Variants in ANKRD44 observed in about 807,000 individuals in gnomAD.
ANKRD44 encodes serine/threonine-protein phosphatase 6 regulatory ankyrin repeat subunit B.
A neutral mutation model predicts 116.0 loss-of-function variants in ANKRD44; 35 were observed. The observed-to-expected ratio is 0.30, with a 90% CI of 0.23 to 0.40. The LOEUF is 0.40. ANKRD44 is among the 10% of genes least tolerant of loss of function. The pLI, the probability that ANKRD44 is intolerant of heterozygous loss-of-function variation, is 1.00. For synonymous variants in ANKRD44, 435 were observed against 461.8 expected, an observed-to-expected ratio of 0.94 and a Z score of 0.74; for missense variants, 1,014 against 1,242.6, an observed-to-expected ratio of 0.82 and a Z score of 2.77.
chr2:197,128,399 C>T (rs1448140225), intron 4 of ANKRD44, among the ~76,000 whole-genome samples: 5 of 152,098 alleles, frequency 3.3e-5, no homozygotes, highest in East Asian at 1.9e-4. Context: ...TCAGTGATAT[C>T]GAGCTTTTTT....
At chr2:197,084,666 A>G (rs1385725613) in intron 13 of ANKRD44, among the ~76,000 whole-genome samples, 2 of 152,164 alleles carry the variant, frequency 1.3e-5, no homozygotes, top group Non-Finnish European at 2.9e-5. Flanking sequence ...ACTGTGCCCT[A>G]CCTAAGGTCC....
At chr2:197,243,959 G>A (rs2082139473) in intron 1 of ANKRD44, among the ~76,000 whole-genome samples, 1 of 152,216 alleles carries the variant, frequency 6.6e-6, no homozygotes, top group Admixed American at 6.5e-5. Context: ...GGGGAGTTAA[G>A]AAATCGTATA....
At chr2:196,976,404 C>G (rs556082814) in intron 21 of ANKRD44, among the ~76,000 whole-genome samples, 4 of 152,208 alleles carry the variant, frequency 2.6e-5, no homozygotes, top group South Asian at 2.1e-4. Context: ...GTAAGAATGT[C>G]ACTCACACCA....
At chr2:197,290,119 C>T (rs1031060774) in intron 1 of ANKRD44, among the ~76,000 whole-genome samples, 1 of 152,054 alleles carries the variant, frequency 6.6e-6, no homozygotes, top group African/African-American at 2.4e-5. Flanking sequence ...CTCAGCCTCC[C>T]AATAGTCTAT....
At chr2:197,149,796 T>G (rs1445533610) in intron 2 of ANKRD44, among the ~76,000 whole-genome samples, 1 of 152,126 alleles carries the variant, frequency 6.6e-6, no homozygotes, top group African/African-American at 2.4e-5. Context: ...CCATGCTGGA[T>G]AGAGAGAAAT....
chr2:197,273,597 G>T (rs2082960091), intron 1 of ANKRD44, among the ~76,000 whole-genome samples: 1 of 152,106 alleles, frequency 6.6e-6, no homozygotes, highest in African/African-American at 2.4e-5. Flanking sequence ...AAGCTGCCCA[G>T]GAAAAAGAGA....
intron 1 of ANKRD44, among the ~76,000 whole-genome samples, chr2:197,246,595 A>G (rs2082198733): frequency 1.3e-5 from 2 of 151,454 alleles, no homozygotes; most frequent in African/African-American, 2.4e-5. Context: ...CTTACACTCA[A>G]CAGTCTTCCC....
At chr2:197,051,966 A>T (rs1015134850) in intron 16 of ANKRD44, among the ~76,000 whole-genome samples, 6 of 152,330 alleles carry the variant, frequency 3.9e-5, no homozygotes, top group East Asian at 1.9e-4. Context: ...AGGAAATAAA[A>T]GTAGATTGAA....
intron 1 of ANKRD44, among the ~76,000 whole-genome samples, chr2:197,239,859 G>A (rs183293284): frequency 1.3e-5 from 2 of 152,144 alleles, no homozygotes; most frequent in Non-Finnish European, 2.9e-5. Context: ...AATATGACCA[G>A]GTGAACACCT....
At chr2:197,129,648 T>A (rs944780072) in intron 4 of ANKRD44, among the ~76,000 whole-genome samples, 1 of 152,152 alleles carries the variant, frequency 6.6e-6, no homozygotes, top group Admixed American at 6.6e-5. Flanking sequence ...CATTTGCGAG[T>A]CAGTCAATTT....
chr2:197,219,774 C>T (rs376113771), intron 1 of ANKRD44, among the ~76,000 whole-genome samples: 5 of 151,614 alleles, frequency 3.3e-5, no homozygotes, highest in African/African-American at 9.7e-5. Context: ...AATAGGAGAA[C>T]GCACCAGGAT....
intron 1 of ANKRD44, among the ~76,000 whole-genome samples, chr2:197,285,511 T>C (rs1410720416): frequency 1.3e-5 from 2 of 152,196 alleles, no homozygotes; most frequent in Non-Finnish European, 2.9e-5. Context: ...TTGACTCTAA[T>C]GGAGGAGTCA....
At position 197,287,877 on chromosome 2, in the gene ANKRD44, C is replaced by T. The variant is rs920379078; in HGVS notation, c.27+22701G>A. On this transcript the variant is annotated intron_variant, in intron 1 of 27. Transcript: ENST00000282272. The stretch of plus-strand genomic sequence containing the variant: ...CCTCCTAAAAATACAAAAATTAGCC[C>T]GGTGTGGTGGCACACACCTGTAGTC... Among the ~76,000 whole-genome samples the T allele has an allele frequency of 2.6e-5, 4 of 151,534 alleles. 1 individual carries two copies. In the South Asian group the frequency reaches 8.4e-4, roughly 32 times the overall value.
chr2:197,132,216 G>T (rs2125370329), intron 4 of ANKRD44, among the ~76,000 whole-genome samples: 1 of 152,342 alleles, frequency 6.6e-6, no homozygotes. Flanking sequence ...TGCCAGATGT[G>T]GGGAGCAGGT....
At chr2:197,060,839 T>C (rs2077296875) in intron 16 of ANKRD44, among the ~76,000 whole-genome samples, 1 of 152,168 alleles carries the variant, frequency 6.6e-6, no homozygotes, top group South Asian at 2.1e-4. Context: ...GTACATGTTG[T>C]TATAAATGGC....
At position 196,977,317 on chromosome 2, in the gene ANKRD44, CT is replaced by C. The variant is rs561857291; in HGVS notation, c.2369-9872del. Among the ~76,000 whole-genome samples, 513 of 152,084 alleles carry C rather than the reference CT, an allele frequency of 3.4e-3. 2 individuals carry two copies. The highest frequency in any genetic ancestry group is 0.011 in the African/African-American group (477 of 41,504). On this transcript the variant is annotated intron_variant, in intron 21 of 21. Transcript: ENST00000424317. ...CTTAAAAGAAAACATAGGAGTAAAT[CT>C]TCATGACTTTGAAGTAGACAGTGGT...
At chr2:197,163,018 G>A (rs909538767) in intron 2 of ANKRD44, among the ~76,000 whole-genome samples, 1 of 152,160 alleles carries the variant, frequency 6.6e-6, no homozygotes, top group Non-Finnish European at 1.5e-5. Flanking sequence ...GGAATCAATG[G>A]CTTGGTTTTT....
At chr2:197,175,310 T>C (rs57244300) in intron 2 of ANKRD44, among the ~76,000 whole-genome samples, 9,800 of 152,194 alleles carry the variant, frequency 0.064, 1,062 homozygotes, top group African/African-American at 0.22. Context: ...CATCTTTGCT[T>C]CCCAAATAAA....
intron 1 of ANKRD44, among the ~76,000 whole-genome samples, chr2:197,309,460 C>T (rs950409721): frequency 6.6e-6 from 1 of 152,132 alleles, no homozygotes; most frequent in Admixed American, 6.5e-5. Context: ...CAAATCATTG[C>T]AAATCATTGT....
Sources: gnomAD v4.1 joint callset for allele counts (sites outside exome capture counted in the v4.1 genomes callset) on GRCh38, gnomAD v4.1.1 for gene constraint, MANE v1.5 for transcripts, NCBI Gene and HGNC (gene_info 2026-07-23, HGNC 2026-07-21) for gene names.